The following PKDCC variants were observed in gnomAD, a reference collection of about 807,000 sequenced individuals.
The protein encoded by PKDCC is extracellular tyrosine-protein kinase PKDCC.
PKDCC carries 35 observed loss-of-function variants against 44.7 expected under a neutral mutation model. That is an observed-to-expected ratio of 0.78 (90% CI 0.60 to 1.04). The LOEUF is 1.04. Among genes scored for constraint, PKDCC ranks in the 50% least tolerant of loss-of-function variants. The pLI, the probability that PKDCC is intolerant of heterozygous loss-of-function variation, is 0.00. For missense variants in PKDCC, 738 were observed against 672.7 expected, an observed-to-expected ratio of 1.10 and a Z score of -1.07; for synonymous variants, 353 against 303.3, an observed-to-expected ratio of 1.16 and a Z score of -1.70.
In PKDCC at chr2:42,048,774, C is replaced by T. The variant is rs200172947; in HGVS notation, c.575C>T (p.Ala192Val). Residue 192 changes from alanine (A) to valine (V), a missense_variant, in exon 1 of 7, where the codon GCG (alanine) becomes GTG (valine). By Grantham distance (64) the Ala-to-Val change is moderately conservative (BLOSUM62 0). Coordinates refer to ENST00000294964, the MANE Select transcript of PKDCC (RefSeq NM_138370.3). This position sits in a 1 kb window ranked among gnomAD's most constrained non-coding sequence, Gnocchi z 6.2. ...FGVRRGCYRL[A>V]AHKLLKEMVL... The stretch of plus-strand genomic sequence containing the variant: ...GTACGGAGGGGCTGCTATCGGCTGG[C>T]GGCCCACAAGCTGCTTAAGGAGATG... 10 of 1,532,416 alleles carry T rather than the reference C, an allele frequency of 6.5e-6. No individual in the cohort carries two copies. Among genetic ancestry groups the T allele is most frequent in the Middle Eastern group, 1.8e-4 (1 of 5,662 alleles). The allele number at this position is 1,532,416 out of a possible 1,614,324, so 94.9% of individuals were successfully genotyped here.
Position 42,057,736 on chromosome 2 carries a change from C to A in PKDCC, c.*48C>A. ...CAGCTGACTATCCTCAGCAGCTGGG[C>A]TTGCCTGTGGAGGGAGTGACTTGCA... On this transcript the variant is annotated 3_prime_UTR_variant, in exon 7 of 7. Coordinates refer to ENST00000294964, the MANE Select transcript of PKDCC (RefSeq NM_138370.3). 6.4e-7 allele frequency: 1 copy of A among 1,559,910 alleles called. No individual in the cohort carries two copies. The highest frequency in any genetic ancestry group is 8.8e-7 in the Non-Finnish European group (1 of 1,136,476).
chr2:42,054,155 G>A lies in PKDCC; in HGVS notation c.882G>A (p.Thr294=), dbSNP rs922498178. 2.0e-5 allele frequency: 33 copies of A among 1,612,944 alleles called. No individual in the cohort carries two copies. Among genetic ancestry groups the A allele is most frequent in the East Asian group, 4.5e-5 (2 of 44,878 alleles). The change falls in exon 3 of 7, where the codon ACG becomes ACA. Residue 294 remains threonine (T), a synonymous_variant. Coordinates refer to ENST00000294964, the MANE Select transcript of PKDCC (RefSeq NM_138370.3). This position sits in a 1 kb window ranked among gnomAD's most constrained non-coding sequence, Gnocchi z 6.1. ...FVLVDGELKV[T]DLDDARVEET... is the part of the protein sequence containing the mutation. ...TGGTGGATGGGGAGCTCAAAGTGAC[G>A]GACCTGGATGACGCACGTGTGGAGG... is the stretch of plus-strand genomic sequence containing the variant.
Position 42,055,079 on chromosome 2 carries a change from A to G in PKDCC, c.1114+59A>G. ...CCTACCCCACCCCCACCCGCCAGCA[A>G]AAGTGGGGAGAAAAATAACCCAGGG... On this transcript the variant is annotated intron_variant, in intron 4 of 6. Transcript: ENST00000294964. This position sits in a 1 kb window ranked among gnomAD's most constrained non-coding sequence, Gnocchi z 4.5. The G allele has an allele frequency of 6.6e-7, 1 of 1,525,568 alleles. No individual in the cohort carries two copies. Among genetic ancestry groups the G allele is most frequent in the South Asian group, 1.1e-5 (1 of 88,890 alleles). The allele number at this position is 1,525,568 out of a possible 1,614,324, so 94.5% of individuals were successfully genotyped here.
chr2:42,048,146 C>G lies in PKDCC; in HGVS notation c.-54C>G, dbSNP rs1262548243. 112 of 886,952 alleles carry G rather than the reference C, an allele frequency of 1.3e-4. No homozygotes were observed. Among genetic ancestry groups the G allele is most frequent in the Non-Finnish European group, 1.4e-4 (107 of 785,872 alleles). The allele number at this position is 886,952 out of a possible 1,614,324, so 54.9% of individuals were successfully genotyped here. On this transcript the variant is annotated 5_prime_UTR_variant, in exon 1 of 7. Coordinates refer to ENST00000294964, the MANE Select transcript of PKDCC (RefSeq NM_138370.3). The surrounding 1 kb of genome is among the most constrained non-coding windows in gnomAD (Gnocchi z 6.2). ...GAGCCGCCTCGGAGCCTGAGCCGCCCGGGGCCGGGGCCGGGGAGCCGCGCG... is the reference window on the plus strand; with the variant it reads ...GAGCCGCCTCGGAGCCTGAGCCGCCGGGGGCCGGGGCCGGGGAGCCGCGCG...
At position 42,055,196 on chromosome 2, in the gene PKDCC, C is replaced by G. The variant is rs1668032586; in HGVS notation, c.1115-90C>G. The G allele has an allele frequency of 1.5e-6, 2 of 1,362,062 alleles. No homozygotes were observed. Among genetic ancestry groups the G allele is most frequent in the Non-Finnish European group, 2.0e-6 (2 of 977,468 alleles). 84.4% of individuals were successfully genotyped at this position (1,362,062 alleles called of 1,614,324 possible). A position where few individuals can be genotyped will look rare whatever the true frequency, so the allele number is the denominator to read the frequency against. ...CCCTCTGTTCACTGGGGCACAGGCT[C>G]TGGAGGCAGAGGTGGGAGCAGCTGG... On this transcript the variant is annotated intron_variant, in intron 4 of 6. Coordinates refer to ENST00000294964, the MANE Select transcript of PKDCC (RefSeq NM_138370.3). This position sits in a 1 kb window ranked among gnomAD's most constrained non-coding sequence, Gnocchi z 4.5.
Position 42,057,976 on chromosome 2 carries a change from C to T in PKDCC, c.*288C>T. Reference sequence around the variant, plus strand: ...GTAAGCAAGCTCAGGCTAGTCTCCCCACTGGGGGCTGTGCCCCTCCCTGGG... The same window carrying T: ...GTAAGCAAGCTCAGGCTAGTCTCCCTACTGGGGGCTGTGCCCCTCCCTGGG... On this transcript the variant is annotated 3_prime_UTR_variant, in exon 7 of 7. Coordinates refer to ENST00000294964, the MANE Select transcript of PKDCC (RefSeq NM_138370.3). 2.2e-6 allele frequency: 1 copy of T among 457,354 alleles called. No individual in the cohort carries two copies. The highest frequency in any genetic ancestry group is 3.7e-5 in the Admixed American group (1 of 27,070). 28.3% of individuals were successfully genotyped at this position (457,354 alleles called of 1,614,324 possible).
intron 1 of PKDCC, among the ~76,000 whole-genome samples, chr2:42,049,745 G>A (rs1036145991): frequency 2.0e-5 from 3 of 152,078 alleles, no homozygotes; most frequent in Admixed American, 6.5e-5. Flanking sequence ...TCCCAGCACC[G>A]CCCTAACACT....
In PKDCC at chr2:42,048,284, G is replaced by C. The variant is rs1255090537; in HGVS notation, c.85G>C (p.Gly29Arg). ...GSVLNVLFAP[G>R]SEPPRPGQSP... Reference sequence around the variant, plus strand: ...CGTCCTCAACGTGCTCTTCGCTCCGGGCTCGGAGCCTCCGAGGCCAGGCCA... The same window carrying C: ...CGTCCTCAACGTGCTCTTCGCTCCGCGCTCGGAGCCTCCGAGGCCAGGCCA... Residue 29 changes from glycine to arginine, a missense_variant, in exon 1 of 7, where the codon GGC becomes CGC. By Grantham distance (125) the Gly-to-Arg change is moderately radical. Transcript: ENST00000294964. This position sits in a 1 kb window ranked among gnomAD's most constrained non-coding sequence, Gnocchi z 6.2. 1.6e-5 allele frequency: 20 copies of C among 1,273,818 alleles called. No homozygotes were observed. The highest frequency in any genetic ancestry group is 2.0e-5 in the Non-Finnish European group (20 of 1,004,776). The allele number at this position is 1,273,818 out of a possible 1,614,324, so 78.9% of individuals were successfully genotyped here. A position where few individuals can be genotyped will look rare whatever the true frequency, so the allele number is the denominator to read the frequency against.
Position 42,054,440 on chromosome 2 carries a change from C to T in PKDCC, c.1034+133C>T. 1 of 1,106,684 alleles carries T rather than the reference C, an allele frequency of 9.0e-7. No individual in the cohort carries two copies. The highest frequency in any genetic ancestry group is 2.7e-5 in the Admixed American group (1 of 37,628). 68.6% of individuals were successfully genotyped at this position (1,106,684 alleles called of 1,614,324 possible). On this transcript the variant is annotated intron_variant, in intron 3 of 6. Coordinates refer to ENST00000294964, the MANE Select transcript of PKDCC (RefSeq NM_138370.3). This position sits in a 1 kb window ranked among gnomAD's most constrained non-coding sequence, Gnocchi z 6.1. Reference sequence around the variant, plus strand: ...TGACCAGAGCAAGGGAAGGCTTCTACCCTGTCCAGAAGGGAACATTCAGGC... The same window carrying T: ...TGACCAGAGCAAGGGAAGGCTTCTATCCTGTCCAGAAGGGAACATTCAGGC...
chr2:42,048,610 C>T lies in PKDCC; in HGVS notation c.411C>T (p.Asn137=), dbSNP rs1429904287. 2 of 1,512,868 alleles carry T rather than the reference C, an allele frequency of 1.3e-6. No individual in the cohort carries two copies. The highest frequency in any genetic ancestry group is 1.4e-5 in the African/African-American group (1 of 71,118). The allele number at this position is 1,512,868 out of a possible 1,614,324, so 93.7% of individuals were successfully genotyped here. A position where few individuals can be genotyped will look rare whatever the true frequency, so the allele number is the denominator to read the frequency against. Residue 137 remains asparagine (N), a synonymous_variant, in exon 1 of 7, where the codon AAC becomes AAT. Transcript: ENST00000294964. This position sits in a 1 kb window ranked among gnomAD's most constrained non-coding sequence, Gnocchi z 6.2. Reference sequence around the variant, plus strand: ...GCCTGGGCTGCGCCGCGCTTCGCAACGTGTCCGGCGCGCAGTACATGGGCT... The same window carrying T: ...GCCTGGGCTGCGCCGCGCTTCGCAATGTGTCCGGCGCGCAGTACATGGGCT... ...GPRLGCAALR[N]VSGAQYMGSG... is the part of the protein sequence containing the mutation.
At position 42,053,263 on chromosome 2, in the gene PKDCC, A is replaced by G. The variant is rs757961879; in HGVS notation, c.664A>G (p.Ser222Gly). Residue 222 changes from serine to glycine, a missense_variant, in exon 2 of 7, where the codon AGC becomes GGC. Physicochemically the swap from Ser to Gly is moderately conservative, Grantham distance 56 (BLOSUM62 0). Transcript: ENST00000294964. The part of the protein sequence containing the change: ...LQLYGYCYQD[S>G]EDIPDTLTTI... ...GCTCTATGGCTACTGCTACCAGGAC[A>G]GCGAGGACATCCCAGACACCCTGAC... The G allele has an allele frequency of 6.2e-7, 1 of 1,610,518 alleles. No homozygotes were observed. Among genetic ancestry groups the G allele is most frequent in the East Asian group, 2.2e-5 (1 of 44,592 alleles).
Position 42,055,368 on chromosome 2 carries a change from G to A in PKDCC, c.1197G>A (p.Gln399=). ...TGTACCGGAGCGGGCAGTATCTGCA[G>A]AACTCCACGGCAAGCAGCAGTACCG... ...LHLYRSGQYL[Q]NSTASSSTEY... is the part of the protein sequence containing the mutation. Residue 399 remains glutamine, a synonymous_variant, in exon 5 of 7, where the codon CAG becomes CAA. Coordinates refer to ENST00000294964, the MANE Select transcript of PKDCC (RefSeq NM_138370.3). The surrounding 1 kb of genome is among the most constrained non-coding windows in gnomAD (Gnocchi z 4.5). The A allele has an allele frequency of 1.2e-6, 2 of 1,613,686 alleles. No individual in the cohort carries two copies. The highest frequency in any genetic ancestry group is 1.7e-4 in the Middle Eastern group (1 of 6,058).
In PKDCC at chr2:42,048,683, G is replaced by A; in HGVS notation, c.484G>A (p.Ala162Thr). The A allele has an allele frequency of 1.9e-6, 3 of 1,548,740 alleles. No individual in the cohort carries two copies. The highest frequency in any genetic ancestry group is 2.6e-6 in the Non-Finnish European group (3 of 1,147,172). Residue 162 changes from alanine to threonine, a missense_variant, in exon 1 of 7, where the codon GCG (alanine) becomes ACG (threonine). Transcript: ENST00000294964. The surrounding 1 kb of genome is among the most constrained non-coding windows in gnomAD (Gnocchi z 6.2). ...VYRVRLPGGAAVALKAVDFSG... is the reference protein window; with the variant it reads ...VYRVRLPGGATVALKAVDFSG... ...CCGGGTCCGCCTGCCCGGCGGTGCCGCGGTGGCGCTCAAGGCGGTGGACTT... is the reference window on the plus strand; with the variant it reads ...CCGGGTCCGCCTGCCCGGCGGTGCCACGGTGGCGCTCAAGGCGGTGGACTT...
At position 42,055,015 on chromosome 2, in the gene PKDCC, C is replaced by T. The variant is rs1490644983; in HGVS notation, c.1109C>T (p.Ala370Val). The change falls in exon 4 of 7, where the codon GCC becomes GTC. Residue 370 changes from alanine (A) to valine (V), a missense_variant. Physicochemically the swap from Ala to Val is moderately conservative, Grantham distance 64 (BLOSUM62 0). Coordinates refer to ENST00000294964, the MANE Select transcript of PKDCC (RefSeq NM_138370.3). The surrounding 1 kb of genome is among the most constrained non-coding windows in gnomAD (Gnocchi z 4.5). ...LRPLLDSIVN[A>V]TGELAWGVDE... ...CCTCTGCTGGACAGCATCGTCAACGCCACAGGTGAGCTCTCCAGGGCCCAT... is the reference window on the plus strand; with the variant it reads ...CCTCTGCTGGACAGCATCGTCAACGTCACAGGTGAGCTCTCCAGGGCCCAT... The T allele has an allele frequency of 1.9e-6, 3 of 1,613,730 alleles. No individual in the cohort carries two copies. Among genetic ancestry groups the T allele is most frequent in the Middle Eastern group, 1.7e-4 (1 of 6,060 alleles).
chr2:42,055,442 G>A lies in PKDCC; in HGVS notation c.1222+49G>A. On this transcript the variant is annotated intron_variant, in intron 5 of 6. Coordinates refer to ENST00000294964, the MANE Select transcript of PKDCC (RefSeq NM_138370.3). The surrounding 1 kb of genome is among the most constrained non-coding windows in gnomAD (Gnocchi z 4.5). ...CAGGGAAGCAAGAAACAGGTGGGAGGGTGAATGACCCCGCCCAATTAGGCT... is the reference window on the plus strand; with the variant it reads ...CAGGGAAGCAAGAAACAGGTGGGAGAGTGAATGACCCCGCCCAATTAGGCT... 1.3e-6 allele frequency: 2 copies of A among 1,554,966 alleles called. No individual in the cohort carries two copies. The highest frequency in any genetic ancestry group is 8.8e-7 in the Non-Finnish European group (1 of 1,135,904).
rs1216297965 is a variant in PKDCC, at chr2:42,057,394, G to A, written c.1396G>A (p.Gly466Ser). Residue 466 changes from glycine to serine, a missense_variant and splice_region_variant, in exon 6 of 7, where the codon GGT becomes AGT. Gly to Ser is a moderately conservative substitution (Grantham distance 56). Coordinates refer to ENST00000294964, the MANE Select transcript of PKDCC (RefSeq NM_138370.3). ...GGTCACCAACCAGACCACCTGGACAGGTGAGCCAGTGGGAGAAGCCCTTCC... is the reference window on the plus strand; with the variant it reads ...GGTCACCAACCAGACCACCTGGACAAGTGAGCCAGTGGGAGAAGCCCTTCC... ...FVVTNQTTWTGRQLVFFKTGW... is the reference protein window; with the variant it reads ...FVVTNQTTWTSRQLVFFKTGW... The A allele has an allele frequency of 6.2e-7, 1 of 1,614,156 alleles. No homozygotes were observed. Among genetic ancestry groups the A allele is most frequent in the South Asian group, 1.1e-5 (1 of 91,076 alleles).
At chr2:42,050,782 G>T (rs72969029) in intron 1 of PKDCC, among the ~76,000 whole-genome samples, 5,598 of 152,040 alleles carry the variant, frequency 0.037, 329 homozygotes, top group African/African-American at 0.13. Context: ...AGTGAAAAGT[G>T]GGGGGCCCTT....
In PKDCC at chr2:42,048,639, G is replaced by A; in HGVS notation, c.440G>A (p.Gly147Asp). Residue 147 changes from glycine to aspartate, a missense_variant, in exon 1 of 7, where the codon GGC (glycine) becomes GAC (aspartate). Physicochemically the swap from Gly to Asp is moderately conservative, Grantham distance 94 (BLOSUM62 -1). Coordinates refer to ENST00000294964, the MANE Select transcript of PKDCC (RefSeq NM_138370.3). The surrounding 1 kb of genome is among the most constrained non-coding windows in gnomAD (Gnocchi z 6.2). ...NVSGAQYMGS[G>D]YTKAVYRVRL... ...TCCGGCGCGCAGTACATGGGCTCAGGCTACACCAAGGCCGTGTACCGGGTC... is the reference window on the plus strand; with the variant it reads ...TCCGGCGCGCAGTACATGGGCTCAGACTACACCAAGGCCGTGTACCGGGTC... The A allele has an allele frequency of 6.5e-7, 1 of 1,543,528 alleles. No individual in the cohort carries two copies. Among genetic ancestry groups the A allele is most frequent in the Non-Finnish European group, 8.7e-7 (1 of 1,146,098 alleles).
chr2:42,054,070 T>C lies in PKDCC; in HGVS notation c.797T>C (p.Leu266Pro). ...AGCCTGGGCCGCCTCCTCCACCACC[T>C]GGCCCACTCCCCACTGGGCTCCGTC... ...CLSLGRLLHHLAHSPLGSVTL... is the reference protein window; with the variant it reads ...CLSLGRLLHHPAHSPLGSVTL... Residue 266 changes from leucine (L) to proline (P), a missense_variant, in exon 3 of 7, where the codon CTG becomes CCG. Transcript: ENST00000294964. This position sits in a 1 kb window ranked among gnomAD's most constrained non-coding sequence, Gnocchi z 6.1. 1 of 1,612,248 alleles carries C rather than the reference T, an allele frequency of 6.2e-7. No individual in the cohort carries two copies. Among genetic ancestry groups the C allele is most frequent in the Non-Finnish European group, 8.5e-7 (1 of 1,179,854 alleles).
Sources: allele counts gnomAD v4.1 joint callset (sites outside exome capture counted in the v4.1 genomes callset), GRCh38; gene constraint gnomAD v4.1.1; non-coding constraint Gnocchi (gnomAD v3.1); transcripts MANE v1.5; gene names NCBI Gene and HGNC (gene_info 2026-07-23, HGNC 2026-07-21).